ARHGEF33: variants seen among roughly 807,000 people sequenced by gnomAD.
ARHGEF33 encodes the protein Rho guanine nucleotide exchange factor 33.
A neutral mutation model predicts 101.9 loss-of-function variants in ARHGEF33; 72 were observed. The ratio of observed to expected loss-of-function variants is 0.71; its 90% CI spans 0.58 to 0.86. ARHGEF33 has a LOEUF of 0.86. Among genes scored for constraint, ARHGEF33 ranks in the 40% least tolerant of loss-of-function variants. The probability of loss-of-function intolerance (pLI) is 0.00; values close to 1 mark genes in which losing one functional copy is unlikely to be tolerated. For missense variants in ARHGEF33, 1,169 were observed against 1,111.3 expected (o/e 1.05, Z -0.74); for synonymous variants, 499 against 442.5 (o/e 1.13, Z -1.60).
Position 38,919,437 on chromosome 2 carries a change from T to A in ARHGEF33, c.-11T>A. 1.3e-6 allele frequency: 2 copies of A among 1,551,884 alleles called. No individual in the cohort carries two copies. The highest frequency in any genetic ancestry group is 1.7e-6 in the Non-Finnish European group (2 of 1,146,938). On this transcript the variant is annotated 5_prime_UTR_variant, in exon 3 of 18. Coordinates refer to ENST00000409978, the MANE Select transcript of ARHGEF33 (RefSeq NM_001145451.5). ...TGAAGAATAAGCTGGAGAAGAGAAG[T>A]AACCGGCACTATGGAAAAAACCAAA...
intron 17 of ARHGEF33, among the ~76,000 whole-genome samples, chr2:38,967,244 G>A (rs1178840798): frequency 6.6e-6 from 1 of 152,194 alleles, no homozygotes; most frequent in Non-Finnish European, 1.5e-5. Context: ...TCCTCCTGTG[G>A]GGAGGGTGGT....
rs72799410 is a variant in ARHGEF33 at position 38,913,165 on chromosome 2, T to C, written c.-85-6198T>C. 3.1e-3 allele frequency among the ~76,000 whole-genome samples: 472 copies of C among 152,120 alleles called. 2 individuals are homozygous for C. The highest frequency in any genetic ancestry group is 0.018 in the South Asian group (87 of 4,826). ...GATCCTTCCGCCACAGCCTCCCAAG[T>C]AGCTGAGACTACAGGCTTTGTCAAC... On this transcript the variant is annotated intron_variant, in intron 2 of 17. Coordinates refer to ENST00000409978, the MANE Select transcript of ARHGEF33 (RefSeq NM_001145451.5).
chr2:38,928,511 T>C (rs976162344), intron 4 of ARHGEF33, among the ~76,000 whole-genome samples: 2 of 152,216 alleles, frequency 1.3e-5, no homozygotes, highest in Non-Finnish European at 1.5e-5. Context: ...CCTCTCATAA[T>C]AACCAGAGAG....
chr2:38,960,781 G>A, intron 16 of ARHGEF33, 133 bp downstream of exon 16: 1 of 699,364 alleles, frequency 1.4e-6, no homozygotes, highest in Non-Finnish European at 1.9e-6. Flanking sequence ...GCGAGCCGTC[G>A]GCGGGTGGAG....
At chr2:38,921,076 C>G (rs144827533) in intron 3 of ARHGEF33, among the ~76,000 whole-genome samples, 36 of 152,294 alleles carry the variant, frequency 2.4e-4, no homozygotes, top group African/African-American at 8.4e-4. Context: ...CTGCAAATTC[C>G]TTTGTGGCTA....
intron 16 of ARHGEF33, among the ~76,000 whole-genome samples, chr2:38,962,612 G>A (rs1667969280): frequency 6.6e-6 from 1 of 152,126 alleles, no homozygotes; most frequent in Non-Finnish European, 1.5e-5. Flanking sequence ...ATGGAAGTCA[G>A]TTAAAAGAGG....
At position 38,960,306 on chromosome 2, in the gene ARHGEF33, G is replaced by T; in HGVS notation, c.2001G>T (p.Glu667Asp). Residue 667 changes from glutamate to aspartate, a missense_variant, in exon 16 of 18, where the codon GAG becomes GAT. Physicochemically the swap from Glu to Asp is conservative, Grantham distance 45 (BLOSUM62 2). Transcript: ENST00000409978. ...LRPVSFAMEA[E>D]RPEHPLQPLP... ...CCGTCAGCTTCGCCATGGAGGCCGA[G>T]CGGCCGGAGCACCCGCTGCAGCCGC... 1 of 1,544,772 alleles carries T rather than the reference G, an allele frequency of 6.5e-7. No individual in the cohort carries two copies.
At chr2:38,931,569 C>T (rs540318185) in intron 7 of ARHGEF33, among the ~76,000 whole-genome samples, 1 of 152,270 alleles carries the variant, frequency 6.6e-6, no homozygotes, top group African/African-American at 2.4e-5. Context: ...AAAAAAATCA[C>T]TTACTCTAAC....
chr2:38,924,590 G>C (rs1019936309), intron 4 of ARHGEF33, among the ~76,000 whole-genome samples: 3 of 152,168 alleles, frequency 2.0e-5, no homozygotes, highest in Admixed American at 6.5e-5. Flanking sequence ...AATGTAAACA[G>C]TGTGGCTTCT....
At chr2:38,914,935 T>C (rs1666599705) in intron 2 of ARHGEF33, among the ~76,000 whole-genome samples, 1 of 152,172 alleles carries the variant, frequency 6.6e-6, no homozygotes, top group African/African-American at 2.4e-5. Context: ...GTATAAATAA[T>C]AATGGTCCAT....
intron 4 of ARHGEF33, among the ~76,000 whole-genome samples, chr2:38,924,290 CTT>C (rs1182094269): frequency 6.6e-6 from 1 of 152,138 alleles, no homozygotes; most frequent in Non-Finnish European, 1.5e-5. Context: ...TTGTTAGAAA[CTT>C]TTAGAAAAGT....
rs1667590274 is a variant in ARHGEF33, at chr2:38,951,080, G to A, written c.1012G>A (p.Gly338Ser). 6.4e-7 allele frequency: 1 copy of A among 1,551,840 alleles called. No individual in the cohort carries two copies. The highest frequency in any genetic ancestry group is 8.7e-7 in the Non-Finnish European group (1 of 1,147,046). Residue 338 changes from glycine (G) to serine (S), a missense_variant, in exon 11 of 18, where the codon GGC becomes AGC. Coordinates refer to ENST00000409978, the MANE Select transcript of ARHGEF33 (RefSeq NM_001145451.5). Reference sequence around the variant, plus strand: ...AAGGGTCCTGAAGTGGCCACGCCAAGGCGTTCTTGGAGATTTATTCCTTAA... The same window carrying A: ...AAGGGTCCTGAAGTGGCCACGCCAAAGCGTTCTTGGAGATTTATTCCTTAA... ...QERVLKWPRQ[G>S]VLGDLFLKLT...
intron 2 of ARHGEF33, among the ~76,000 whole-genome samples, chr2:38,917,598 G>C (rs1666664642): frequency 6.6e-6 from 1 of 152,048 alleles, no homozygotes; most frequent in African/African-American, 2.4e-5. Context: ...GAGAGACCGA[G>C]GAGGGGAGTC....
rs1172833160 is a variant in ARHGEF33 at position 38,960,303 on chromosome 2, C to G, written c.1998C>G (p.Ala666=). The change falls in exon 16 of 18, where the codon GCC becomes GCG. Residue 666 remains alanine (A), a synonymous_variant. Coordinates refer to ENST00000409978, the MANE Select transcript of ARHGEF33 (RefSeq NM_001145451.5). ...GGCCCGTCAGCTTCGCCATGGAGGCCGAGCGGCCGGAGCACCCGCTGCAGC... is the reference window on the plus strand; with the variant it reads ...GGCCCGTCAGCTTCGCCATGGAGGCGGAGCGGCCGGAGCACCCGCTGCAGC... The part of the protein sequence containing the change: ...FLRPVSFAME[A]ERPEHPLQPL... 1.3e-6 allele frequency: 2 copies of G among 1,545,090 alleles called. No homozygotes were observed. The highest frequency in any genetic ancestry group is 1.7e-6 in the Non-Finnish European group (2 of 1,146,004).
At chr2:38,891,230 G>T (rs1377977675) in intron 1 of ARHGEF33, among the ~76,000 whole-genome samples, 1 of 151,916 alleles carries the variant, frequency 6.6e-6, no homozygotes, top group Non-Finnish European at 1.5e-5. Context: ...CACCATGCTC[G>T]GCCTTATTGT....
At chr2:38,925,218 T>C (rs1006155350) in intron 4 of ARHGEF33, among the ~76,000 whole-genome samples, 12 of 152,350 alleles carry the variant, frequency 7.9e-5, no homozygotes, top group South Asian at 6.2e-4. Context: ...ATGATTCTAT[T>C]TGGCGATTCT....
intron 9 of ARHGEF33, among the ~76,000 whole-genome samples, chr2:38,943,542 TG>T (rs34285621): frequency 0.87 from 132,788 of 152,232 alleles, 58,180 homozygotes; most frequent in Non-Finnish European, 0.91. Context: ...CCATCTGGTA[TG>T]GGGGGTGAGG....
intron 2 of ARHGEF33, among the ~76,000 whole-genome samples, chr2:38,907,485 A>G (rs1435208080): frequency 1.3e-5 from 2 of 152,164 alleles, no homozygotes; most frequent in Non-Finnish European, 2.9e-5. Context: ...CCTCTCACCT[A>G]AATTAAGCTT....
At chr2:38,950,930 G>GT in intron 10 of ARHGEF33, 59 bp from the exon 11 acceptor site, 1 of 1,500,172 alleles carries the variant, frequency 6.7e-7, no homozygotes, top group Non-Finnish European at 9.0e-7. Flanking sequence ...ATGTATTTTT[G>GT]TAGGGTCCTT....
Sources: gnomAD v4.1 joint callset for allele counts (sites outside exome capture counted in the v4.1 genomes callset) on GRCh38, gnomAD v4.1.1 for gene constraint, MANE v1.5 for transcripts, NCBI Gene and HGNC (gene_info 2026-07-23, HGNC 2026-07-21) for gene names.